BRAF: variants seen among roughly 807,000 people sequenced by gnomAD.
BRAF encodes the protein B-Raf proto-oncogene, serine/threonine kinase, also known as serine/threonine-protein kinase B-raf.
Under a neutral mutation model 104.6 loss-of-function variants are expected in BRAF, and 16 were observed. The observed-to-expected ratio is 0.15, with a 90% CI of 0.10 to 0.23. The LOEUF (loss-of-function observed/expected upper bound fraction) is 0.23, where lower values mean the gene tolerates loss of function less well. Among genes scored for constraint, BRAF ranks in the 10% least tolerant of loss-of-function variants. The pLI is 1.00. For synonymous variants in BRAF, 310 were observed against 341.6 expected (o/e 0.91, Z 1.02); for missense variants, 541 against 937.3 (o/e 0.58, Z 5.52).
At chr7:140,815,415 G>A (rs979404240) in intron 3 of BRAF, among the ~76,000 whole-genome samples, 3 of 149,256 alleles carry the variant, frequency 2.0e-5, no homozygotes, top group African/African-American at 7.5e-5. Flanking sequence ...AAAGTGCTAG[G>A]ATTACAGGTG....
intron 3 of BRAF, among the ~76,000 whole-genome samples, chr7:140,817,310 T>A (rs1284585658): frequency 6.6e-6 from 1 of 151,940 alleles, no homozygotes; most frequent in East Asian, 1.9e-4. Context: ...AGAGAACACA[T>A]GAAAAAATGG....
chr7:140,787,476 T>C, intron 9 of BRAF, 72 bp downstream of exon 9: 1 of 1,464,752 alleles, frequency 6.8e-7, no homozygotes, highest in East Asian at 2.3e-5. Context: ...AAGAGGCAAG[T>C]ATAAAGGAAA....
At chr7:140,793,007 T>C (rs755247467) in intron 8 of BRAF, among the ~76,000 whole-genome samples, 3 of 152,134 alleles carry the variant, frequency 2.0e-5, no homozygotes, top group African/African-American at 7.2e-5. Context: ...AGGAGATTAA[T>C]GTAGTATATA....
rs1167524496 is a variant in BRAF at position 140,722,645 on chromosome 7, C to T, written c.*3849G>A. 1 of 1,053,240 alleles carries T rather than the reference C, an allele frequency of 9.5e-7. No individual in the cohort carries two copies. Among genetic ancestry groups the T allele is most frequent in the Non-Finnish European group, 1.1e-6 (1 of 871,790 alleles). 65.2% of individuals were successfully genotyped at this position (1,053,240 alleles called of 1,614,324 possible). A position where few individuals can be genotyped will look rare whatever the true frequency, so the allele number is the denominator to read the frequency against. ...TGCCAACTTGGACAAAGAAGAGAAT[C>T]TTGCAAAAAGAGTAATCATTCTACC... On this transcript the variant is annotated 3_prime_UTR_variant, in exon 20 of 20. Coordinates refer to ENST00000644969, the MANE Select transcript of BRAF (RefSeq NM_001374258.1).
chr7:140,854,400 T>A (rs1809537569), intron 1 of BRAF, among the ~76,000 whole-genome samples: 1 of 152,124 alleles, frequency 6.6e-6, no homozygotes, highest in East Asian at 1.9e-4. Flanking sequence ...TTTAAGCTGG[T>A]TTCAGAATAG....
intron 5 of BRAF, among the ~76,000 whole-genome samples, chr7:140,806,952 G>C (rs530798731): frequency 1.3e-5 from 2 of 152,064 alleles, no homozygotes. Context: ...GACGCCTAAA[G>C]GGTAGCAGTA....
At chr7:140,892,785 C>G (rs1391479979) in intron 1 of BRAF, among the ~76,000 whole-genome samples, 1 of 151,994 alleles carries the variant, frequency 6.6e-6, no homozygotes, top group Non-Finnish European at 1.5e-5. Flanking sequence ...CTTCCCCACC[C>G]CTAAATGATC....
intron 1 of BRAF, among the ~76,000 whole-genome samples, chr7:140,922,800 G>A (rs752900473): frequency 6.6e-6 from 1 of 152,094 alleles, no homozygotes; most frequent in Non-Finnish European, 1.5e-5. Flanking sequence ...TAAATAAGAA[G>A]GAACGTGGAG....
At chr7:140,763,218 C>A (rs1471222717) in intron 14 of BRAF, among the ~76,000 whole-genome samples, 1 of 151,990 alleles carries the variant, frequency 6.6e-6, no homozygotes, top group South Asian at 2.1e-4. Flanking sequence ...CCGGACGAGG[C>A]GGCTGGCCGG....
chr7:140,923,583 G>C (rs749978286), intron 1 of BRAF, among the ~76,000 whole-genome samples: 1 of 152,204 alleles, frequency 6.6e-6, no homozygotes, highest in African/African-American at 2.4e-5. Flanking sequence ...GGAATAAAGA[G>C]GTGTGAATGC....
intron 1 of BRAF, among the ~76,000 whole-genome samples, chr7:140,885,633 T>G (rs1029566290): frequency 6.6e-6 from 1 of 152,238 alleles, no homozygotes; most frequent in Non-Finnish European, 1.5e-5. Context: ...ATGCGGCAAC[T>G]GTGTCTATTT....
At chr7:140,921,940 T>C (rs1368867280) in intron 1 of BRAF, among the ~76,000 whole-genome samples, 3 of 152,202 alleles carry the variant, frequency 2.0e-5, no homozygotes, top group African/African-American at 7.2e-5. Flanking sequence ...TAAGGAAGAC[T>C]TCAAATAAAA....
At chr7:140,738,810 T>C (rs1273148495) in intron 18 of BRAF, among the ~76,000 whole-genome samples, 1 of 152,108 alleles carries the variant, frequency 6.6e-6, no homozygotes, top group Admixed American at 6.5e-5. Flanking sequence ...AGAGACGGTT[T>C]TCACCATGTT....
At chr7:140,872,548 C>A (rs1201163420) in intron 1 of BRAF, among the ~76,000 whole-genome samples, 4 of 152,046 alleles carry the variant, frequency 2.6e-5, no homozygotes, top group African/African-American at 9.7e-5. Context: ...AACCAAAGTT[C>A]CTTTTTTAAC....
chr7:140,866,215 T>C (rs1810950488), intron 1 of BRAF, among the ~76,000 whole-genome samples: 1 of 152,230 alleles, frequency 6.6e-6, no homozygotes, highest in South Asian at 2.1e-4. Context: ...TAATTGTAAG[T>C]ATTTTTATGC....
chr7:140,852,403 A>C (rs1199597787), intron 1 of BRAF, among the ~76,000 whole-genome samples: 3 of 151,870 alleles, frequency 2.0e-5, no homozygotes, highest in Non-Finnish European at 2.9e-5. Context: ...AAAAAAAAAA[A>C]AACCAAAAAC....
intron 1 of BRAF, among the ~76,000 whole-genome samples, chr7:140,921,072 C>T (rs1586662252): frequency 6.6e-6 from 1 of 152,112 alleles, no homozygotes; most frequent in Non-Finnish European, 1.5e-5. Flanking sequence ...TTAAGACTGA[C>T]GATCAGAGAT....
chr7:140,775,784 G>A (rs1056755895), intron 14 of BRAF, among the ~76,000 whole-genome samples: 3 of 152,142 alleles, frequency 2.0e-5, no homozygotes, highest in Non-Finnish European at 2.9e-5. Flanking sequence ...TATTTTGGCC[G>A]AATATAGGCT....
chr7:140,861,199 G>T (rs1176514719), intron 1 of BRAF, among the ~76,000 whole-genome samples: 2 of 152,184 alleles, frequency 1.3e-5, no homozygotes, highest in African/African-American at 4.8e-5. Flanking sequence ...GGCGCCTTCT[G>T]AGAGAACAAA....
Sources: gnomAD v4.1 joint callset for allele counts (sites outside exome capture counted in the v4.1 genomes callset) on GRCh38, gnomAD v4.1.1 for gene constraint, MANE v1.5 for transcripts, NCBI Gene and HGNC (gene_info 2026-07-23, HGNC 2026-07-21) for gene names.